The following TTLL12 variants were observed in gnomAD, a reference collection of about 807,000 sequenced individuals.
The protein encoded by TTLL12 is tubulin tyrosine ligase like 12.
TTLL12 carries 77 observed loss-of-function variants against 79.6 expected under a neutral mutation model. The observed-to-expected ratio is 0.97, with a 90% CI of 0.81 to 1.17. The LOEUF is 1.17. Ranked by LOEUF, TTLL12 falls within the 50% of genes most tolerant of loss-of-function variation. TTLL12 has a pLI of 0.00. For missense variants in TTLL12, 969 were observed against 895.9 expected (o/e 1.08, Z -1.04); for synonymous variants, 437 against 376.1 (o/e 1.16, Z -1.87).
rs140311334 is a variant in TTLL12 at position 43,183,042 on chromosome 22, G to C, written c.285C>G (p.Asn95Lys). Residue 95 changes from asparagine (N) to lysine (K), a missense_variant, in exon 2 of 14, where the codon AAC (asparagine) becomes AAG (lysine). Coordinates refer to ENST00000216129, the MANE Select transcript of TTLL12 (RefSeq NM_015140.4). ...TCACGATGACCTTGTAGCACAGCTCGTTCCCCGGGTTGGGCTGCTGCTTCC... is the reference window on the plus strand; with the variant it reads ...TCACGATGACCTTGTAGCACAGCTCCTTCCCCGGGTTGGGCTGCTGCTTCC... ...EVRKQQPNPG[N>K]ELCYKVIVTR... 1.2e-6 allele frequency: 2 copies of C among 1,613,970 alleles called. No homozygotes were observed. Among genetic ancestry groups the C allele is most frequent in the Non-Finnish European group, 1.7e-6 (2 of 1,179,962 alleles).
At chr22:43,179,425 C>T (rs1038753626) in intron 5 of TTLL12, among the ~76,000 whole-genome samples, 194 bp downstream of exon 5, 5 of 152,074 alleles carry the variant, frequency 3.3e-5, no homozygotes, top group East Asian at 1.9e-4. Context: ...GAGCCCCCAC[C>T]GTGCAGCCAC....
At position 43,168,790 on chromosome 22, in the gene TTLL12, C is replaced by T. The variant is rs1422116394; in HGVS notation, c.1767G>A (p.Trp589Ter). ...CCCTCTTACCATCTGGGCCGTTGTC[C>T]CACTTCAGCATGAGGTCGACGGCAT... ...AMYAVDLMLK[W>*]DNGPDGRRVM... Residue 589 changes from tryptophan to a stop codon, truncating the protein, a stop_gained, in exon 13 of 14, where the codon TGG becomes TGA. Transcript: ENST00000216129. LOFTEE classifies it high-confidence loss of function. 1 of 1,564,792 alleles carries T rather than the reference C, an allele frequency of 6.4e-7. No individual in the cohort carries two copies. Among genetic ancestry groups the T allele is most frequent in the African/African-American group, 1.4e-5 (1 of 73,654 alleles).
At chr22:43,183,357 G>T (rs761213798) in intron 1 of TTLL12, among the ~76,000 whole-genome samples, 1 of 152,202 alleles carries the variant, frequency 6.6e-6, no homozygotes. Context: ...TCGGAACAGG[G>T]ACCTAATGTA....
intron 8 of TTLL12, 118 bp downstream of exon 8, chr22:43,174,091 C>T (rs1251707413): frequency 1.5e-6 from 2 of 1,370,390 alleles, no homozygotes; most frequent in Non-Finnish European, 2.0e-6. Flanking sequence ...TCGGGGCCCA[C>T]AGCTCGGCTC....
In TTLL12 at chr22:43,167,199, A is replaced by C. The variant is rs569336232; in HGVS notation, c.*809T>G. 10 of 531,876 alleles carry C rather than the reference A, an allele frequency of 1.9e-5. No homozygotes were observed. Among genetic ancestry groups the C allele is most frequent in the African/African-American group, 1.5e-4 (8 of 51,968 alleles). 32.9% of individuals were successfully genotyped at this position (531,876 alleles called of 1,614,324 possible). ...ACCGCCCACAATCAGCCCCAGCCCC[A>C]GGCGCCCCTTGCCGAAGGATCCTGG... On this transcript the variant is annotated 3_prime_UTR_variant, in exon 14 of 14. Coordinates refer to ENST00000216129, the MANE Select transcript of TTLL12 (RefSeq NM_015140.4).
chr22:43,168,368 GGGC>G (rs1400029240), intron 13 of TTLL12, among the ~76,000 whole-genome samples: 2 of 152,144 alleles, frequency 1.3e-5, no homozygotes, highest in African/African-American at 4.8e-5. Context: ...GGAGAGGCCA[GGGC>G]TGCCTCCAGC....
At chr22:43,182,769 G>A (rs1025773642) in intron 2 of TTLL12, among the ~76,000 whole-genome samples, 5 of 152,206 alleles carry the variant, frequency 3.3e-5, no homozygotes, top group East Asian at 1.9e-4. Flanking sequence ...CTCTCAGGCC[G>A]CGGTCCATCC....
Position 43,179,943 on chromosome 22 carries a change from G to C in TTLL12, c.604C>G (p.Gln202Glu). The change falls in exon 4 of 14, where the codon CAG (glutamine) becomes GAG (glutamate). Residue 202 changes from glutamine (Q) to glutamate (E), a missense_variant. By Grantham distance (29) the Gln-to-Glu change is conservative. Coordinates refer to ENST00000216129, the MANE Select transcript of TTLL12 (RefSeq NM_015140.4). The part of the protein sequence containing the change: ...YIMDEFGSRI[Q>E]HADVPSFATA... Reference sequence around the variant, plus strand: ...GCGAAGCTGGGCACGTCCGCGTGCTGGATCCGCGAACCGAACTCGTCCATG... The same window carrying C: ...GCGAAGCTGGGCACGTCCGCGTGCTCGATCCGCGAACCGAACTCGTCCATG... 4 of 1,610,656 alleles carry C rather than the reference G, an allele frequency of 2.5e-6. No homozygotes were observed. The highest frequency in any genetic ancestry group is 3.4e-6 in the Non-Finnish European group (4 of 1,179,896).
rs765642099 is a variant in TTLL12 at position 43,168,028 on chromosome 22, G to A, written c.1915C>T (p.His639Tyr). The A allele has an allele frequency of 4.3e-6, 7 of 1,613,860 alleles. No individual in the cohort carries two copies. The African/African-American group carries it at 9.3e-5, about 22-fold the overall frequency. Residue 639 changes from histidine (H) to tyrosine (Y), a missense_variant, in exon 14 of 14, where the codon CAC becomes TAC. By Grantham distance (83) the His-to-Tyr change is moderately conservative (BLOSUM62 2). Transcript: ENST00000216129. ...TLFLDQPGGC[H>Y]VTCLV is the part of the protein sequence containing the mutation. ...AGTGCCTAGACAAGGCAGGTAACGT[G>A]GCAGCCACCGGGCTGGTCCAGAAAC...
chr22:43,176,282 A>T, intron 6 of TTLL12, 38 bp downstream of exon 6: 1 of 1,481,458 alleles, frequency 6.8e-7, no homozygotes, highest in Non-Finnish European at 9.3e-7. Flanking sequence ...GGGACTGCGG[A>T]CAAGTCCCAG....
intron 3 of TTLL12, 52 bp downstream of exon 3, chr22:43,180,690 G>T (rs1420855227): frequency 1.3e-6 from 2 of 1,587,412 alleles, no homozygotes; most frequent in Non-Finnish European, 8.6e-7. Flanking sequence ...GGCAGCGGAG[G>T]TCTGTGCCCA....
At chr22:43,176,729 C>CAAAAAAA (rs869094672) in intron 5 of TTLL12, among the ~76,000 whole-genome samples, 2 of 58,898 alleles carry the variant, frequency 3.4e-5, no homozygotes, top group African/African-American at 6.9e-5. Context: ...GACTACATCT[C>CAAAAAAA]AAAAAAAAAA....
intron 5 of TTLL12, among the ~76,000 whole-genome samples, chr22:43,179,055 G>A (rs892241072): frequency 2.0e-5 from 3 of 152,164 alleles, no homozygotes; most frequent in Admixed American, 6.5e-5. Flanking sequence ...TTCCTCCCCC[G>A]GCACTGGGGC....
At chr22:43,178,568 G>A (rs531051333) in intron 5 of TTLL12, among the ~76,000 whole-genome samples, 19 of 152,184 alleles carry the variant, frequency 1.2e-4, no homozygotes, top group South Asian at 8.3e-4. Flanking sequence ...TGATCCGCCC[G>A]CCTCAGCCTC....
intron 2 of TTLL12, 58 bp from the exon 3 acceptor site, chr22:43,180,998 G>T (rs767007037): frequency 2.6e-6 from 4 of 1,555,894 alleles, no homozygotes; most frequent in African/African-American, 1.4e-5. Flanking sequence ...AAGGGAAGTC[G>T]GGGGAGCAAG....
At chr22:43,184,239 G>A (rs112069494) in intron 1 of TTLL12, among the ~76,000 whole-genome samples, 7 of 152,362 alleles carry the variant, frequency 4.6e-5, no homozygotes, top group Admixed American at 2.0e-4. Context: ...GATTAAAAAC[G>A]GCAGTTGGAA....
intron 2 of TTLL12, among the ~76,000 whole-genome samples, chr22:43,182,284 G>C (rs1932077993): frequency 6.6e-6 from 1 of 152,258 alleles, no homozygotes; most frequent in Admixed American, 6.5e-5. Context: ...GCATGGGCGG[G>C]GGTGCTGGGC....
chr22:43,170,269 C>T, intron 11 of TTLL12: 1 of 273,146 alleles, frequency 3.7e-6, no homozygotes, highest in Non-Finnish European at 7.2e-6. Context: ...TCCTGGGGCC[C>T]TGCTGGGGGG....
At chr22:43,178,954 A>C (rs1277279108) in intron 5 of TTLL12, among the ~76,000 whole-genome samples, 2 of 151,648 alleles carry the variant, frequency 1.3e-5, no homozygotes, top group Non-Finnish European at 3.0e-5. Context: ...CAGATGGGAG[A>C]GGAGGGGAAG....
Sources: allele counts gnomAD v4.1 joint callset (sites outside exome capture counted in the v4.1 genomes callset), GRCh38; gene constraint gnomAD v4.1.1; transcripts MANE v1.5; gene names NCBI Gene and HGNC (gene_info 2026-07-23, HGNC 2026-07-21).